PLIN3: variants seen among roughly 807,000 people sequenced by gnomAD.
PLIN3 encodes perilipin 3, also known as perilipin-3.
PLIN3 carries 30 observed loss-of-function variants against 35.9 expected under a neutral mutation model. That is an observed-to-expected ratio of 0.84 (90% CI 0.62 to 1.13). The LOEUF is 1.13. Among genes scored for constraint, PLIN3 ranks in the 50% most tolerant of loss-of-function variants. The probability of loss-of-function intolerance (pLI) is 0.00; values close to 1 mark genes in which losing one functional copy is unlikely to be tolerated. For missense variants in PLIN3, 603 were observed against 596.9 expected (o/e 1.01, Z -0.11); for synonymous variants, 261 against 262.5 (o/e 0.99, Z 0.06).
intron 4 of PLIN3, among the ~76,000 whole-genome samples, chr19:4,858,755 G>A (rs2030565608): frequency 7.3e-6 from 1 of 137,844 alleles, no homozygotes; most frequent in Non-Finnish European, 1.5e-5. Flanking sequence ...AGGCTAGAGT[G>A]CAATGGCATG....
chr19:4,862,466 G>A, intron 1 of PLIN3, among the ~76,000 whole-genome samples: 1 of 151,904 alleles, frequency 6.6e-6, no homozygotes, highest in East Asian at 1.9e-4. Flanking sequence ...GGCTGGTCTC[G>A]AATTCCTGGT....
intron 6 of PLIN3, among the ~76,000 whole-genome samples, chr19:4,847,282 T>G (rs1226711240): frequency 2.0e-5 from 3 of 151,586 alleles, no homozygotes; most frequent in Non-Finnish European, 2.9e-5. Flanking sequence ...CTCCAACTCC[T>G]GGGCTCAAGC....
At chr19:4,857,869 G>T (rs565709882) in intron 4 of PLIN3, among the ~76,000 whole-genome samples, 2 of 152,002 alleles carry the variant, frequency 1.3e-5, no homozygotes, top group Non-Finnish European at 2.9e-5. Flanking sequence ...CCAGCCACTC[G>T]GGAGGCTGAG....
rs146293739 is a variant in PLIN3, at chr19:4,852,294, G to A, written c.356C>T (p.Ala119Val). 1.1e-4 allele frequency: 184 copies of A among 1,601,570 alleles called. No individual in the cohort carries two copies. Among genetic ancestry groups the A allele is most frequent in the Admixed American group, 3.2e-4 (19 of 59,958 alleles). ...AGACGACACAAGCTCCTTGGTGTCC[G>A]CCAGGACCTAGGAGATGCAACAGCA... is the stretch of plus-strand genomic sequence containing the variant. ...ILQQPTEKVL[A>V]DTKELVSSKV... The change falls in exon 5 of 8, where the codon GCG (alanine) becomes GTG (valine). Residue 119 changes from alanine to valine, a missense_variant. By Grantham distance (64) the Ala-to-Val change is moderately conservative. Transcript: ENST00000221957.
chr19:4,839,564 A>C (rs1568371168), intron 7 of PLIN3, 28 bp from the exon 8 acceptor site: 4 of 1,469,152 alleles, frequency 2.7e-6, no homozygotes, highest in Non-Finnish European at 3.6e-6. Context: ...GACACCAATC[A>C]GGACCATTTG....
intron 4 of PLIN3, 56 bp from the exon 5 acceptor site, chr19:4,852,357 T>C (rs1370123223): frequency 6.4e-7 from 1 of 1,562,068 alleles, no homozygotes; most frequent in South Asian, 1.2e-5. Context: ...TGGGCACCCC[T>C]CCCCTGCACC....
chr19:4,844,032 C>T lies in PLIN3; in HGVS notation c.960+636G>A, dbSNP rs544549216. Among the ~76,000 whole-genome samples, 13 of 152,070 alleles carry T rather than the reference C, an allele frequency of 8.5e-5. No individual in the cohort carries two copies. The South Asian group carries it at 1.5e-3, about 17-fold the overall frequency. ...TTGCCCAGGCTGGAGTGCAGTGGTG[C>T]GATCTCGGCTCACTGCAAACTTCCT... is the stretch of plus-strand genomic sequence containing the variant. On this transcript the variant is annotated intron_variant, in intron 7 of 7. Coordinates refer to ENST00000221957, the MANE Select transcript of PLIN3 (RefSeq NM_005817.5).
At chr19:4,845,399 C>T (rs1266614769) in intron 6 of PLIN3, among the ~76,000 whole-genome samples, 1 of 152,014 alleles carries the variant, frequency 6.6e-6, no homozygotes, top group Non-Finnish European at 1.5e-5. Flanking sequence ...GCACTCCAGC[C>T]TGGGTGACAG....
chr19:4,853,979 C>T (rs1035018550), intron 4 of PLIN3, among the ~76,000 whole-genome samples: 9 of 149,270 alleles, frequency 6.0e-5, no homozygotes, highest in Non-Finnish European at 1.3e-4. Flanking sequence ...GTCACTCAGG[C>T]TGGAGTGCAG....
chr19:4,863,497 CAA>C (rs57974543), intron 1 of PLIN3, among the ~76,000 whole-genome samples: 9 of 119,982 alleles, frequency 7.5e-5, no homozygotes, highest in Admixed American at 9.1e-5. Context: ...AACTCTGTCT[CAA>C]AAAAAAAAAA....
chr19:4,858,183 G>A (rs2030535078), intron 4 of PLIN3, among the ~76,000 whole-genome samples: 1 of 136,724 alleles, frequency 7.3e-6, no homozygotes, highest in Non-Finnish European at 1.5e-5. Flanking sequence ...TGAGGCAGGA[G>A]AATCGCTGGA....
At chr19:4,852,790 G>A (rs190356275) in intron 4 of PLIN3, among the ~76,000 whole-genome samples, 120 of 152,006 alleles carry the variant, frequency 7.9e-4, no homozygotes, top group African/African-American at 2.6e-3. Context: ...ACAGGTGCCC[G>A]CCACCATGCC....
At chr19:4,860,924 T>C (rs2030653763) in intron 2 of PLIN3, among the ~76,000 whole-genome samples, 2 of 152,114 alleles carry the variant, frequency 1.3e-5, no homozygotes, top group Admixed American at 1.3e-4. Context: ...TGAGCCAAGA[T>C]GTCACCACTG....
chr19:4,852,650 T>C (rs2030340339), intron 4 of PLIN3, among the ~76,000 whole-genome samples: 1 of 152,086 alleles, frequency 6.6e-6, no homozygotes. Context: ...TCTTTCTTTT[T>C]TTTTTTTGGA....
At chr19:4,862,225 C>T (rs1258630862) in intron 1 of PLIN3, among the ~76,000 whole-genome samples, 4 of 151,474 alleles carry the variant, frequency 2.6e-5, no homozygotes, top group Non-Finnish European at 5.9e-5. Flanking sequence ...CCACCTCCCA[C>T]GTTCAAGCAA....
At chr19:4,852,427 G>A (rs949675673) in intron 4 of PLIN3, 126 bp from the exon 5 acceptor site, 21 of 1,173,114 alleles carry the variant, frequency 1.8e-5, no homozygotes, top group African/African-American at 3.1e-5. Context: ...CAGCATCTCC[G>A]TCTTCCCTCT....
At chr19:4,867,118 G>C (rs1427957319) in intron 1 of PLIN3, 1 of 152,250 alleles carries the variant, frequency 6.6e-6, no homozygotes, top group East Asian at 1.9e-4. Context: ...AGAATCAGTT[G>C]GGGGCGCCAG....
chr19:4,852,667 G>A (rs1019974265), intron 4 of PLIN3, among the ~76,000 whole-genome samples: 1 of 151,836 alleles, frequency 6.6e-6, no homozygotes. Context: ...TGGAGACAGG[G>A]TCTTGCTCTC....
intron 1 of PLIN3, chr19:4,866,572 C>T (rs1261726266): frequency 6.6e-6 from 1 of 152,236 alleles, no homozygotes; most frequent in South Asian, 2.1e-4. Context: ...AGCCAGGAAC[C>T]AGCTTCCTGC....
Sources: allele counts gnomAD v4.1 joint callset (sites outside exome capture counted in the v4.1 genomes callset), GRCh38; gene constraint gnomAD v4.1.1; transcripts MANE v1.5; gene names NCBI Gene and HGNC (gene_info 2026-07-23, HGNC 2026-07-21).